The following NEO1 variants were observed in gnomAD, a reference collection of about 807,000 sequenced individuals.
The protein encoded by NEO1 is neogenin.
A neutral mutation model predicts 159.7 loss-of-function variants in NEO1; 63 were observed. That is an observed-to-expected ratio of 0.39 (90% CI 0.32 to 0.49). The LOEUF (loss-of-function observed/expected upper bound fraction) is 0.49. NEO1 is among the 20% of genes least tolerant of loss of function. The pLI, the probability that NEO1 is intolerant of heterozygous loss-of-function variation, is 0.85. For synonymous variants in NEO1, 633 were observed against 662.0 expected (o/e 0.96, Z 0.67); for missense variants, 1,615 against 1,831.0 (o/e 0.88, Z 2.15).
At position 73,254,737 on chromosome 15, in the gene NEO1, C is replaced by T; in HGVS notation, c.2000C>T (p.Thr667Ile). ...CCAGCCACACAAAATGGGCAGATTA[C>T]TGGCTACAAGATTCGCTACCGAAAG... ...PAPATQNGQITGYKIRYRKAS... is the reference protein window; with the variant it reads ...PAPATQNGQIIGYKIRYRKAS... Residue 667 changes from threonine (T) to isoleucine (I), a missense_variant, in exon 13 of 29, where the codon ACT becomes ATT. Transcript: ENST00000261908. 1 of 1,614,084 alleles carries T rather than the reference C, an allele frequency of 6.2e-7. No homozygotes were observed. The highest frequency in any genetic ancestry group is 8.5e-7 in the Non-Finnish European group (1 of 1,179,976).
intron 13 of NEO1, among the ~76,000 whole-genome samples, chr15:73,256,814 C>T (rs1025066009): frequency 4.6e-5 from 7 of 151,656 alleles, no homozygotes; most frequent in South Asian, 2.1e-4. Flanking sequence ...TTCAGCTGAG[C>T]GTGGTGGCTC....
chr15:73,139,576 A>G (rs937973095), intron 5 of NEO1, among the ~76,000 whole-genome samples: 3 of 152,232 alleles, frequency 2.0e-5, no homozygotes, highest in Non-Finnish European at 4.4e-5. Context: ...ATTACTTGAC[A>G]GAGATCTTTA....
chr15:73,217,934 A>T (rs2037995139), intron 7 of NEO1, among the ~76,000 whole-genome samples: 1 of 152,158 alleles, frequency 6.6e-6, no homozygotes, highest in East Asian at 1.9e-4. Context: ...CTCCTGCCTA[A>T]TTGCCCTGGC....
intron 1 of NEO1, among the ~76,000 whole-genome samples, chr15:73,069,698 A>G (rs2068442532): frequency 6.6e-6 from 1 of 152,076 alleles, no homozygotes; most frequent in Non-Finnish European, 1.5e-5. Flanking sequence ...ACACACGCAC[A>G]TATAATAGAT....
intron 1 of NEO1, among the ~76,000 whole-genome samples, chr15:73,081,536 A>T (rs1265582700): frequency 6.6e-6 from 1 of 151,950 alleles, no homozygotes; most frequent in Non-Finnish European, 1.5e-5. Context: ...CGTAGTATGG[A>T]TCTGCCACCT....
At position 73,123,982 on chromosome 15, in the gene NEO1, C is replaced by T. The variant is rs868838481; in HGVS notation, c.724+1182C>T. On this transcript the variant is annotated intron_variant, in intron 3 of 28. Transcript: ENST00000261908. ...TCGTTATCCCTCGTCATTCCTGTCT[C>T]AGTATATTCTCAGCAAGGACAGTAT... is the stretch of plus-strand genomic sequence containing the variant. 3.9e-4 allele frequency among the ~76,000 whole-genome samples: 59 copies of T among 152,258 alleles called. 1 individual carries two copies. Among genetic ancestry groups the T allele is most frequent in the African/African-American group, 1.4e-3 (58 of 41,554 alleles).
At chr15:73,243,587 C>T (rs1025063705) in intron 8 of NEO1, among the ~76,000 whole-genome samples, 2 of 152,144 alleles carry the variant, frequency 1.3e-5, no homozygotes, top group African/African-American at 4.8e-5. Flanking sequence ...TGTTTGTGGA[C>T]CTGTGTTGGT....
At chr15:73,293,363 AT>A (rs753693206) in intron 25 of NEO1, 26 bp from the exon 26 acceptor site, 1 of 1,612,828 alleles carries the variant, frequency 6.2e-7, no homozygotes, top group South Asian at 1.1e-5. Context: ...CATGTTAAGC[AT>A]TTCTCTGTCT....
chr15:73,264,448 A>G (rs959196926), intron 15 of NEO1, among the ~76,000 whole-genome samples: 6 of 152,250 alleles, frequency 3.9e-5, no homozygotes. Context: ...TAGAATCAAA[A>G]TAGCGTTTGA....
chr15:73,246,221 C>G (rs1364559638), intron 9 of NEO1, among the ~76,000 whole-genome samples: 1 of 152,148 alleles, frequency 6.6e-6, no homozygotes, highest in African/African-American at 2.4e-5. Context: ...CAAGCTTGGT[C>G]TTCTTCCCTT....
At chr15:73,077,331 A>G (rs1238235152) in intron 1 of NEO1, among the ~76,000 whole-genome samples, 1 of 152,220 alleles carries the variant, frequency 6.6e-6, no homozygotes, top group Non-Finnish European at 1.5e-5. Context: ...GGCATGAGCC[A>G]CCGTTTTCAG....
intron 5 of NEO1, among the ~76,000 whole-genome samples, chr15:73,142,705 G>A (rs919857909): frequency 5.3e-5 from 8 of 152,264 alleles, no homozygotes; most frequent in South Asian, 2.1e-4. Context: ...TAATTTAACC[G>A]AAGGACATCT....
intron 8 of NEO1, among the ~76,000 whole-genome samples, chr15:73,240,062 A>G: frequency 6.6e-6 from 1 of 152,118 alleles, no homozygotes; most frequent in South Asian, 2.1e-4. Context: ...GTCCCACAAC[A>G]AAGAATTATC....
rs1353132916 is a variant in NEO1, at chr15:73,190,050, A to G, written c.1291+11623A>G. Among the ~76,000 whole-genome samples, 4 of 152,104 alleles carry G rather than the reference A, an allele frequency of 2.6e-5. No individual in the cohort carries two copies. In the East Asian group the frequency reaches 7.7e-4, roughly 29 times the overall value. On this transcript the variant is annotated intron_variant, in intron 7 of 28. Transcript: ENST00000261908. ...TCAGATTAACATTGCCTGTCATTTT[A>G]TGCTAAAATCCTTTGTTTTTTATAA...
At chr15:73,247,017 G>A (rs190204764) in intron 9 of NEO1, among the ~76,000 whole-genome samples, 1 of 152,314 alleles carries the variant, frequency 6.6e-6, no homozygotes, top group Admixed American at 6.5e-5. Context: ...AGTGTGATGT[G>A]TTATCACCTT....
At chr15:73,091,226 TAAAC>T (rs1411466783) in intron 1 of NEO1, among the ~76,000 whole-genome samples, 1 of 152,220 alleles carries the variant, frequency 6.6e-6, no homozygotes, top group Non-Finnish European at 1.5e-5. Context: ...AAGTTTTTAT[TAAAC>T]AAGCTGATGC....
In NEO1 at chr15:73,052,781, A is replaced by G; in HGVS notation, c.106A>G (p.Ser36Gly). Reference protein sequence around the residue: ...RRAPGAAAARSGSAPQSPGAS... With the variant: ...RRAPGAAAARGGSAPQSPGAS... ...GGCGCCGGGCGCCGCGGCCGCCAGG[A>G]GCGGCTCCGCGCCGCAGTCCCCAGG... is the stretch of plus-strand genomic sequence containing the variant. Residue 36 changes from serine to glycine, a missense_variant, in exon 1 of 29, where the codon AGC (serine) becomes GGC (glycine). By Grantham distance (56) the Ser-to-Gly change is moderately conservative. Around this residue, in one of 3 missense-constraint regions of NEO1, gnomAD observed 1,018 missense variants for 1,115.4 expected, o/e 0.91. Transcript: ENST00000261908. 1 of 1,161,552 alleles carries G rather than the reference A, an allele frequency of 8.6e-7. No individual in the cohort carries two copies. 72.0% of individuals were successfully genotyped at this position (1,161,552 alleles called of 1,614,324 possible).
At chr15:73,122,837 T>G in intron 3 of NEO1, 37 bp downstream of exon 3, 1 of 1,605,190 alleles carries the variant, frequency 6.2e-7, no homozygotes, top group Non-Finnish European at 8.5e-7. Flanking sequence ...GTTTTATGTT[T>G]ATGAATGGGT....
In NEO1 at chr15:73,272,518, T is replaced by C; in HGVS notation, c.2921T>C (p.Ile974Thr). ...AAAGAGGGGAAACCTAAGACCATAA[T>C]TGTGAATTGGCAGCCTCCCTCCGAA... is the stretch of plus-strand genomic sequence containing the variant. ...VSKEGKPKTI[I>T]VNWQPPSEAN... The change falls in exon 19 of 29, where the codon ATT becomes ACT. Residue 974 changes from isoleucine to threonine, a missense_variant. By Grantham distance (89) the Ile-to-Thr change is moderately conservative. Coordinates refer to ENST00000261908, the MANE Select transcript of NEO1 (RefSeq NM_002499.4). 1 of 1,614,018 alleles carries C rather than the reference T, an allele frequency of 6.2e-7. No homozygotes were observed. The highest frequency in any genetic ancestry group is 8.5e-7 in the Non-Finnish European group (1 of 1,179,916).
Sources: allele counts gnomAD v4.1 joint callset (sites outside exome capture counted in the v4.1 genomes callset), GRCh38; gene constraint gnomAD v4.1.1; regional missense constraint gnomAD v4.1.1; transcripts MANE v1.5; gene names NCBI Gene and HGNC (gene_info 2026-07-23, HGNC 2026-07-21).